The following SYCE1 variants were observed in gnomAD, a reference collection of about 807,000 sequenced individuals.
SYCE1 encodes the protein cancer/testis antigen 76.
In SYCE1, 37 loss-of-function variants were observed where a neutral mutation model predicts 55.1. The ratio of observed to expected loss-of-function variants is 0.67; its 90% confidence interval spans 0.52 to 0.88. The LOEUF (loss-of-function observed/expected upper bound fraction) is 0.88, where lower values mean the gene tolerates loss of function less well. Ranked by LOEUF, SYCE1 falls within the 40% of genes least tolerant of loss-of-function variation. SYCE1 has a pLI of 0.00. For missense variants in SYCE1, 399 were observed against 416.4 expected (o/e 0.96, Z 0.36); for synonymous variants, 163 against 159.4 (o/e 1.02, Z -0.17).
intron 1 of SYCE1, among the ~76,000 whole-genome samples, chr10:133,565,012 C>G (rs1851893461): frequency 6.6e-6 from 1 of 152,076 alleles, no homozygotes; most frequent in Non-Finnish European, 1.5e-5. Context: ...CCCCGGCTCC[C>G]CGGGGCGTCG....
chr10:133,554,695 T>C (rs188631260), downstream of SYCE1: 3,180 of 783,400 alleles, frequency 4.1e-3, 43 homozygotes, highest in South Asian at 0.025. Context: ...AATGAAGGAA[T>C]TGAAGAAATA....
intron 3 of SYCE1, 40 bp from the exon 4 acceptor site, chr10:133,558,991 T>G: frequency 6.4e-7 from 1 of 1,571,420 alleles, no homozygotes; most frequent in Non-Finnish European, 8.7e-7. Context: ...GAGTGCAGCC[T>G]CTATTCTCTT....
chr10:133,567,900 G>A (rs1424075426), upstream of SYCE1: 21 of 510,706 alleles, frequency 4.1e-5, no homozygotes, highest in African/African-American at 1.2e-4. Flanking sequence ...CTGAGGCGGC[G>A]TGGGCAGGCA....
intron 1 of SYCE1, among the ~76,000 whole-genome samples, chr10:133,562,766 C>T (rs1589970919): frequency 6.6e-6 from 1 of 152,180 alleles, no homozygotes; most frequent in African/African-American, 2.4e-5. Flanking sequence ...GGTCGAGCCT[C>T]ATAATAATTC....
rs8181464 is a variant in SYCE1 at position 133,556,839 on chromosome 10, G to A, written c.465-17C>T. The stretch of plus-strand genomic sequence containing the variant: ...AATGCCAACCTGGGAACCAACCACA[G>A]GCATGAGGGGATATGGGCTGAAATC... On this transcript the variant is annotated splice_polypyrimidine_tract_variant and intron_variant, in intron 7 of 12. Transcript: ENST00000343131. 0.11 allele frequency: 172,790 copies of A among 1,595,910 alleles called. 10,799 individuals carry two copies. Among genetic ancestry groups the A allele is most frequent in the East Asian group, 0.27 (11,640 of 43,858 alleles).
chr10:133,567,353 A>G (rs1851969214), upstream of SYCE1, among the ~76,000 whole-genome samples: 2 of 149,200 alleles, frequency 1.3e-5, no homozygotes. Context: ...GGTGGGGGTT[A>G]GGTGTTAGGG....
intron 8 of SYCE1, 147 bp downstream of exon 8, chr10:133,556,612 G>A (rs1851689348): frequency 2.5e-6 from 2 of 791,066 alleles, no homozygotes; most frequent in Non-Finnish European, 4.3e-6. Context: ...GAGGTGACAA[G>A]GGACTGGATT....
chr10:133,555,892 T>C lies in SYCE1; in HGVS notation c.607A>G (p.Lys203Glu). Reference protein sequence around the residue: ...EQLLKEEKLVKATLEDVKHQL... With the variant: ...EQLLKEEKLVEATLEDVKHQL... ...TGCTTCACGTCTTCCAGTGTCGCCT[T>C]GACCAGCTTCTCTGCAGCACAAAGG... The change falls in exon 10 of 13, where the codon AAG (lysine) becomes GAG (glutamate). Residue 203 changes from lysine to glutamate, a missense_variant. By Grantham distance (56) the Lys-to-Glu change is moderately conservative. Transcript: ENST00000343131. 6.2e-7 allele frequency: 1 copy of C among 1,614,022 alleles called. No individual in the cohort carries two copies. The highest frequency in any genetic ancestry group is 1.1e-5 in the South Asian group (1 of 91,038).
rs1041554766 is a variant in SYCE1, at chr10:133,558,804, A to T, written c.271+73T>A. On this transcript the variant is annotated intron_variant, in intron 4 of 12. Coordinates refer to ENST00000343131, the MANE Select transcript of SYCE1 (RefSeq NM_001143764.3). The stretch of plus-strand genomic sequence containing the variant: ...ACCCTTGGCCATGGCAAGGATGCTG[A>T]TTATCTGGAATACAGGGTTAGGGGA... The T allele has an allele frequency of 3.4e-6, 5 of 1,485,150 alleles. No homozygotes were observed. In the African/African-American group the frequency reaches 7.0e-5, roughly 21 times the overall value. The allele number at this position is 1,485,150 out of a possible 1,614,324, so 92.0% of individuals were successfully genotyped here.
At position 133,558,770 on chromosome 10, in the gene SYCE1, G is replaced by C. The variant is rs908542055; in HGVS notation, c.271+107C>G. The C allele has an allele frequency of 2.8e-6, 3 of 1,077,740 alleles. No homozygotes were observed. In the Admixed American group the frequency reaches 7.1e-5, roughly 25 times the overall value. 66.8% of individuals were successfully genotyped at this position (1,077,740 alleles called of 1,614,324 possible). A position where few individuals can be genotyped will look rare whatever the true frequency, so the allele number is the denominator to read the frequency against. ...GATTGGCAGGACATGAGGCTAGAGA[G>C]GGTACAGGACCCTTGGCCATGGCAA... is the stretch of plus-strand genomic sequence containing the variant. On this transcript the variant is annotated intron_variant, in intron 4 of 12. Transcript: ENST00000343131.
At chr10:133,559,023 T>C in intron 3 of SYCE1, 72 bp from the exon 4 acceptor site, 4 of 1,480,750 alleles carry the variant, frequency 2.7e-6, no homozygotes, top group Non-Finnish European at 3.7e-6. Context: ...CATTTCTCAT[T>C]TGCCTTCAGG....
chr10:133,564,505 C>G (rs1284179219), intron 1 of SYCE1: 4 of 875,448 alleles, frequency 4.6e-6, no homozygotes, highest in Non-Finnish European at 5.5e-6. Flanking sequence ...TGCGTCTGTC[C>G]TGTTTACTTG....
At chr10:133,558,250 A>G in intron 4 of SYCE1, 36 bp from the exon 5 acceptor site, 1 of 1,610,398 alleles carries the variant, frequency 6.2e-7, no homozygotes, top group Admixed American at 1.7e-5. Flanking sequence ...ATCAGGGACT[A>G]TGCACTGCAC....
rs754590155 is a variant in SYCE1 at position 133,557,935 on chromosome 10, A to C, written c.320-17T>G. 3.1e-5 allele frequency: 50 copies of C among 1,613,760 alleles called. No homozygotes were observed. The Middle Eastern group carries it at 6.8e-4, about 22-fold the overall frequency. On this transcript the variant is annotated splice_polypyrimidine_tract_variant and intron_variant, in intron 5 of 12. Transcript: ENST00000343131. The stretch of plus-strand genomic sequence containing the variant: ...TCAGGGTCTCTGTAGGGAGAGCAAC[A>C]GGGCCCTATGAGAACCTGTCAAGGT...
chr10:133,554,959 G>A lies in SYCE1; in HGVS notation c.*33C>T, dbSNP rs1851616330. The stretch of plus-strand genomic sequence containing the variant: ...ACAGGAGACTGGGGATCTTGGGCCT[G>A]ACCCCTACTCCTCACCAGTAGACTT... On this transcript the variant is annotated 3_prime_UTR_variant, in exon 13 of 13. Transcript: ENST00000343131. 1 of 1,506,034 alleles carries A rather than the reference G, an allele frequency of 6.6e-7. No homozygotes were observed. The highest frequency in any genetic ancestry group is 2.5e-5 in the East Asian group (1 of 40,536). The allele number at this position is 1,506,034 out of a possible 1,614,324, so 93.3% of individuals were successfully genotyped here.
chr10:133,559,294 A>G lies in SYCE1; in HGVS notation c.196+7T>C, dbSNP rs771980351. 6.2e-7 allele frequency: 1 copy of G among 1,614,126 alleles called. No individual in the cohort carries two copies. Reference sequence around the variant, plus strand: ...TCCTAGCTGGCAGCCAAGGCCCCTGAACTCACCTTGCTGGACCTCATTAAT... The same window carrying G: ...TCCTAGCTGGCAGCCAAGGCCCCTGGACTCACCTTGCTGGACCTCATTAAT... On this transcript the variant is annotated splice_region_variant and intron_variant, in intron 3 of 12. Transcript: ENST00000343131.
intron 8 of SYCE1, 68 bp downstream of exon 8, chr10:133,556,690 AG>A: frequency 6.7e-7 from 1 of 1,497,526 alleles, no homozygotes; most frequent in Non-Finnish European, 9.1e-7. Context: ...GAGAGGAAGA[AG>A]TGACCGTTTG....
upstream of SYCE1, among the ~76,000 whole-genome samples, chr10:133,566,533 G>GT (rs1163980839): frequency 7.0e-6 from 1 of 142,642 alleles, no homozygotes; most frequent in South Asian, 2.3e-4. Context: ...AAGGATTGGG[G>GT]TAGGGTTAGG....
At chr10:133,560,014 T>G (rs969853289) in intron 2 of SYCE1, 77 bp downstream of exon 2, 2 of 1,241,474 alleles carry the variant, frequency 1.6e-6, no homozygotes, top group South Asian at 1.2e-5. Context: ...ATTCGTACAT[T>G]GTGGGGCCTG....
Sources: allele counts gnomAD v4.1 joint callset (sites outside exome capture counted in the v4.1 genomes callset), GRCh38; gene constraint gnomAD v4.1.1; transcripts MANE v1.5; gene names NCBI Gene and HGNC (gene_info 2026-07-23, HGNC 2026-07-21).